Variants in PNLIPRP3 observed in about 807,000 individuals in gnomAD.
PNLIPRP3 encodes the protein pancreatic lipase-related protein 3.
In PNLIPRP3, 58 loss-of-function variants were observed where a neutral mutation model predicts 52.8. That is an observed-to-expected ratio of 1.10 (90% confidence interval 0.89 to 1.37). The LOEUF is 1.37. Ranked by LOEUF, PNLIPRP3 falls within the 40% of genes most tolerant of loss-of-function variation. PNLIPRP3 has a pLI of 0.00. For synonymous variants in PNLIPRP3, 192 were observed against 185.0 expected, an observed-to-expected ratio of 1.04 and a Z score of -0.31; for missense variants, 593 against 561.6, an observed-to-expected ratio of 1.06 and a Z score of -0.57.
In PNLIPRP3 at chr10:116,444,400, G is replaced by T. The variant is rs1457812497; in HGVS notation, c.343G>T (p.Asp115Tyr). The T allele has an allele frequency of 1.9e-6, 3 of 1,608,990 alleles. No homozygotes were observed. The highest frequency in any genetic ancestry group is 1.7e-5 in the Admixed American group (1 of 59,846). The change falls in exon 4 of 12, where the codon GAT (aspartate) becomes TAT (tyrosine). Residue 115 changes from aspartate (D) to tyrosine (Y), a missense_variant. Coordinates refer to ENST00000369230, the MANE Select transcript of PNLIPRP3 (RefSeq NM_001011709.3). ...DMCNVLLQLEDINCINLDWIN... is the reference protein window; with the variant it reads ...DMCNVLLQLEYINCINLDWIN... ...GTGCCAGGTGTTGCTACAGCTGGAA[G>T]ATATAAATTGCATTAATTTAGATTG...
At chr10:116,428,811 C>T (rs1845671359) in intron 1 of PNLIPRP3, among the ~76,000 whole-genome samples, 1 of 152,088 alleles carries the variant, frequency 6.6e-6, no homozygotes, top group Non-Finnish European at 1.5e-5. Context: ...AGATCAACCC[C>T]TTTGTTGTAA....
intron 4 of PNLIPRP3, among the ~76,000 whole-genome samples, chr10:116,449,172 C>G (rs1846000144): frequency 6.6e-6 from 1 of 152,170 alleles, no homozygotes; most frequent in African/African-American, 2.4e-5. Flanking sequence ...GCACTCCAGC[C>G]TGACTGGCAG....
chr10:116,433,597 C>T (rs1461056740), intron 1 of PNLIPRP3, among the ~76,000 whole-genome samples: 2 of 152,070 alleles, frequency 1.3e-5, no homozygotes, highest in Non-Finnish European at 2.9e-5. Flanking sequence ...TATTGTTGTT[C>T]CCCATATTGA....
In PNLIPRP3 at chr10:116,477,258, C is replaced by A; in HGVS notation, c.*105C>A. ...ATTTGACCCTTGTAAATGACTTAGT[C>A]ATTTACAAGGGTCTTACTCAGAGTC... is the stretch of plus-strand genomic sequence containing the variant. On this transcript the variant is annotated 3_prime_UTR_variant, in exon 12 of 12. Coordinates refer to ENST00000369230, the MANE Select transcript of PNLIPRP3 (RefSeq NM_001011709.3). 1.1e-6 allele frequency: 1 copy of A among 874,492 alleles called. No individual in the cohort carries two copies. Among genetic ancestry groups the A allele is most frequent in the Non-Finnish European group, 1.8e-6 (1 of 563,100 alleles). 54.2% of individuals were successfully genotyped at this position (874,492 alleles called of 1,614,324 possible).
At chr10:116,445,956 G>A (rs1292011336) in intron 4 of PNLIPRP3, among the ~76,000 whole-genome samples, 1 of 152,140 alleles carries the variant, frequency 6.6e-6, no homozygotes, top group East Asian at 1.9e-4. Flanking sequence ...GTAGGAAGAT[G>A]GGGAAGAAGG....
intron 7 of PNLIPRP3, among the ~76,000 whole-genome samples, chr10:116,465,483 C>T (rs1207379668): frequency 2.6e-5 from 4 of 151,562 alleles, no homozygotes; most frequent in African/African-American, 7.3e-5. Flanking sequence ...TGCAGTGAGC[C>T]GAGATTGCAC....
intron 9 of PNLIPRP3, among the ~76,000 whole-genome samples, chr10:116,471,557 G>A (rs1266025755): frequency 6.6e-6 from 1 of 152,066 alleles, no homozygotes; most frequent in Non-Finnish European, 1.5e-5. Flanking sequence ...ATTTATTCTG[G>A]AAAATTAAAA....
intron 4 of PNLIPRP3, among the ~76,000 whole-genome samples, chr10:116,445,143 T>C (rs76203357): frequency 0.044 from 6,763 of 151,996 alleles, 212 homozygotes; most frequent in South Asian, 0.091. Flanking sequence ...TCAACAAATA[T>C]ATATTTCACT....
chr10:116,444,701 G>T (rs1373968044), intron 4 of PNLIPRP3, among the ~76,000 whole-genome samples, 188 bp downstream of exon 4: 2 of 152,158 alleles, frequency 1.3e-5, no homozygotes, highest in Non-Finnish European at 2.9e-5. Flanking sequence ...GTGGTTATTT[G>T]AAGCACCACT....
At chr10:116,435,661 C>T (rs1173661935) in intron 1 of PNLIPRP3, among the ~76,000 whole-genome samples, 1 of 152,174 alleles carries the variant, frequency 6.6e-6, no homozygotes, top group African/African-American at 2.4e-5. Flanking sequence ...TTTTGGTTTA[C>T]ATTTCCATAG....
chr10:116,429,825 G>A (rs36117446), intron 1 of PNLIPRP3, among the ~76,000 whole-genome samples: 6,071 of 152,192 alleles, frequency 0.04, 214 homozygotes, highest in Non-Finnish European at 0.051. Context: ...AAGGAAGATG[G>A]AACTACTGAG....
chr10:116,469,793 T>C (rs755982215), intron 9 of PNLIPRP3, among the ~76,000 whole-genome samples: 1 of 152,146 alleles, frequency 6.6e-6, no homozygotes, highest in South Asian at 2.1e-4. Context: ...GCAAGGGCCT[T>C]GTGTCCCAAG....
rs927488153 is a variant in PNLIPRP3, at chr10:116,466,109, A to G, written c.868A>G (p.Ile290Val). Residue 290 changes from isoleucine to valine, a missense_variant, in exon 8 of 12, where the codon ATT (isoleucine) becomes GTT (valine). Ile to Val is a conservative substitution (Grantham distance 29). Coordinates refer to ENST00000369230, the MANE Select transcript of PNLIPRP3 (RefSeq NM_001011709.3). ...AAGTTATCAATTTTATGCTGAAAGC[A>G]TTCTTAATCCTGATGCATTTATTGC... ...ARSYQFYAES[I>V]LNPDAFIAYP... 2.5e-6 allele frequency: 4 copies of G among 1,613,902 alleles called. No homozygotes were observed. Among genetic ancestry groups the G allele is most frequent in the Non-Finnish European group, 2.5e-6 (3 of 1,179,952 alleles).
chr10:116,469,970 CA>C (rs34958696), intron 9 of PNLIPRP3, among the ~76,000 whole-genome samples: 94,944 of 131,486 alleles, frequency 0.72, 35,411 homozygotes, highest in South Asian at 0.86. Flanking sequence ...ACAATTCAGG[CA>C]AAAAAAAAAA....
intron 1 of PNLIPRP3, among the ~76,000 whole-genome samples, chr10:116,429,222 C>A (rs577917739): frequency 3.3e-5 from 5 of 152,114 alleles, no homozygotes; most frequent in African/African-American, 9.6e-5. Context: ...ATAAAATTAC[C>A]TTTAGCCTAT....
At chr10:116,432,751 TG>T (rs1196642291) in intron 1 of PNLIPRP3, among the ~76,000 whole-genome samples, 1 of 151,996 alleles carries the variant, frequency 6.6e-6, no homozygotes, top group African/African-American at 2.4e-5. Context: ...AAATCCCAGG[TG>T]GGTAAACATT....
rs777799534 is a variant in PNLIPRP3, at chr10:116,476,638, A to G, written c.1173-14A>G. Reference sequence around the variant, plus strand: ...TACCCAGTGCAAACTTACGAGTCTTATTTTTGTTTACAGTGGAAAACTTGA... The same window carrying G: ...TACCCAGTGCAAACTTACGAGTCTTGTTTTTGTTTACAGTGGAAAACTTGA... On this transcript the variant is annotated splice_polypyrimidine_tract_variant and intron_variant, in intron 10 of 11. Coordinates refer to ENST00000369230, the MANE Select transcript of PNLIPRP3 (RefSeq NM_001011709.3). 4 of 1,550,166 alleles carry G rather than the reference A, an allele frequency of 2.6e-6. No individual in the cohort carries two copies. The highest frequency in any genetic ancestry group is 3.5e-6 in the Non-Finnish European group (4 of 1,152,318).
At chr10:116,458,686 C>T (rs1459259435) in intron 5 of PNLIPRP3, among the ~76,000 whole-genome samples, 2 of 152,156 alleles carry the variant, frequency 1.3e-5, no homozygotes, top group African/African-American at 2.4e-5. Flanking sequence ...CTTCATTGAT[C>T]TCTTTGTCTA....
At chr10:116,466,266 A>T (rs1589989221) in intron 8 of PNLIPRP3, 98 bp downstream of exon 8, 1 of 803,926 alleles carries the variant, frequency 1.2e-6, no homozygotes, top group South Asian at 1.7e-5. Context: ...TAGCAAAAAA[A>T]ATGCACCTGC....
Sources: gnomAD v4.1 joint callset for allele counts (sites outside exome capture counted in the v4.1 genomes callset) on GRCh38, gnomAD v4.1.1 for gene constraint, MANE v1.5 for transcripts, NCBI Gene and HGNC (gene_info 2026-07-23, HGNC 2026-07-21) for gene names.